FRMPD3: variants seen among roughly 807,000 people sequenced by gnomAD.
The protein encoded by FRMPD3 is FERM and PDZ domain containing 3.
A neutral mutation model predicts 97.9 loss-of-function variants in FRMPD3; 42 were observed. The ratio of observed to expected loss-of-function variants is 0.43; its 90% confidence interval spans 0.34 to 0.55. The LOEUF (loss-of-function observed/expected upper bound fraction) is 0.55. Among genes scored for constraint, FRMPD3 ranks in the 20% least tolerant of loss-of-function variants. The pLI is 0.03. For synonymous variants in FRMPD3, 577 were observed against 581.1 expected, an observed-to-expected ratio of 0.99 and a Z score of 0.10; for missense variants, 1,303 against 1,457.7, an observed-to-expected ratio of 0.89 and a Z score of 1.73.
chrX:107,576,546 G>A (rs1430738481), intron 13 of FRMPD3, 87 bp downstream of exon 13: 1 of 1,033,424 alleles, frequency 9.7e-7, no homozygotes, highest in African/African-American at 1.9e-5. Flanking sequence ...CTGCCTTAGT[G>A]CTCACCCCGT....
intron 1 of FRMPD3, among the ~76,000 whole-genome samples, chrX:107,486,605 C>G (rs997009767): frequency 7.1e-5 from 8 of 112,103 alleles, no homozygotes; most frequent in Non-Finnish European, 1.1e-4. Context: ...AGAGATTATT[C>G]TTTTGCCATT....
chrX:107,461,378 G>A (rs969107275), intron 1 of FRMPD3, among the ~76,000 whole-genome samples: 1 of 110,628 alleles, frequency 9.0e-6, no homozygotes. Context: ...GATAGCCCAA[G>A]GCCTGAGACT....
chrX:107,473,978 G>A (rs981420615), intron 1 of FRMPD3, among the ~76,000 whole-genome samples: 18 of 112,249 alleles, frequency 1.6e-4, no homozygotes, highest in Admixed American at 1.2e-3. Flanking sequence ...CCAGCTACTC[G>A]GGAGGCTGAG....
chrX:107,527,715 C>A (rs762200475), intron 2 of FRMPD3, among the ~76,000 whole-genome samples: 3 of 112,242 alleles, frequency 2.7e-5, no homozygotes, highest in African/African-American at 9.7e-5. Flanking sequence ...CTCGCTCAGT[C>A]AAGAGGAGCA....
At chrX:107,515,978 A>G (rs1408666004) in intron 1 of FRMPD3, among the ~76,000 whole-genome samples, 1 of 106,640 alleles carries the variant, frequency 9.4e-6, no homozygotes. Context: ...GCACCCATTA[A>G]CTCATCATTT....
chrX:107,534,333 ACCTGTCC>A (rs1332411840), intron 4 of FRMPD3, among the ~76,000 whole-genome samples: 1 of 110,834 alleles, frequency 9.0e-6, no homozygotes, highest in African/African-American at 3.3e-5. Context: ...CCTCCAGCCT[ACCTGTCC>A]CCTTATTAAT....
intron 8 of FRMPD3, among the ~76,000 whole-genome samples, chrX:107,559,058 C>T (rs1204853210): frequency 9.4e-6 from 1 of 106,136 alleles, no homozygotes; most frequent in Non-Finnish European, 1.9e-5. Context: ...ACCTCCACCT[C>T]CTGAGTTCAA....
chrX:107,591,157 CTTTCT>C (rs1285605443), intron 13 of FRMPD3, among the ~76,000 whole-genome samples: 1 of 108,333 alleles, frequency 9.2e-6, no homozygotes, highest in African/African-American at 3.4e-5. Context: ...TTCTTTCTTT[CTTTCT>C]TTTTTTTTTT....
intron 1 of FRMPD3, among the ~76,000 whole-genome samples, chrX:107,479,424 A>G (rs758368600): frequency 7.1e-5 from 8 of 112,502 alleles, no homozygotes; most frequent in African/African-American, 1.3e-4. Context: ...ATAGTATATG[A>G]AACAACTAAA....
chrX:107,600,170 T>A, intron 14 of FRMPD3, 133 bp from the exon 15 acceptor site: 2 of 804,959 alleles, frequency 2.5e-6, no homozygotes, highest in Non-Finnish European at 3.4e-6. Context: ...ATCAGGGACT[T>A]GAGCATCTGC....
chrX:107,492,795 T>C (rs1334502249), intron 1 of FRMPD3, among the ~76,000 whole-genome samples: 3 of 111,992 alleles, frequency 2.7e-5, no homozygotes, highest in Non-Finnish European at 3.8e-5. Flanking sequence ...ATCCCTCTTA[T>C]GAAGACTAGT....
At chrX:107,514,960 G>A (rs1169513317) in intron 1 of FRMPD3, among the ~76,000 whole-genome samples, 3 of 111,752 alleles carry the variant, frequency 2.7e-5, no homozygotes, top group Non-Finnish European at 5.6e-5. Context: ...AAGAGATGAT[G>A]GTGCCATATG....
In FRMPD3 at chrX:107,563,167, C is replaced by T; in HGVS notation, c.1083C>T (p.Thr361=). The T allele has an allele frequency of 8.3e-7, 1 of 1,209,844 alleles. No individual in the cohort carries two copies. The highest frequency in any genetic ancestry group is 1.1e-6 in the Non-Finnish European group (1 of 894,738). ...QYLRILNELP[T]FTGVLFNTVG... The stretch of plus-strand genomic sequence containing the variant: ...TACGAATTCTGAATGAACTTCCTAC[C>T]TTCACGGGCGTTTTGTTCAACACTG... Residue 361 remains threonine (T), a synonymous_variant, in exon 11 of 15, where the codon ACC becomes ACT. Coordinates refer to ENST00000683843, the MANE Select transcript of FRMPD3 (RefSeq NM_001388459.1).
At chrX:107,582,263 G>A (rs1402465759) in intron 13 of FRMPD3, among the ~76,000 whole-genome samples, 2 of 109,599 alleles carry the variant, frequency 1.8e-5, no homozygotes, top group African/African-American at 3.3e-5. Context: ...AGCTCACTGC[G>A]ACCTCTGCCT....
chrX:107,511,667 G>C (rs1602765778), intron 1 of FRMPD3, among the ~76,000 whole-genome samples: 1 of 112,903 alleles, frequency 8.9e-6, no homozygotes, highest in Admixed American at 9.3e-5. Flanking sequence ...AGCCCCCAGA[G>C]GGGTGCTATT....
At chrX:107,487,873 C>T (rs1296202400) in intron 1 of FRMPD3, among the ~76,000 whole-genome samples, 1 of 112,093 alleles carries the variant, frequency 8.9e-6, no homozygotes, top group African/African-American at 3.2e-5. Context: ...AACCATTCAC[C>T]CAAGGAAATG....
At chrX:107,506,954 C>G (rs998945358) in intron 1 of FRMPD3, among the ~76,000 whole-genome samples, 3 of 111,349 alleles carry the variant, frequency 2.7e-5, no homozygotes, top group South Asian at 7.7e-4. Flanking sequence ...AGGGAGGCAA[C>G]GAGAGGGTTC....
chrX:107,580,971 C>A (rs1923354585), intron 13 of FRMPD3, among the ~76,000 whole-genome samples: 1 of 111,534 alleles, frequency 9.0e-6, no homozygotes, highest in African/African-American at 3.3e-5. Flanking sequence ...TAACTAAATG[C>A]CAGAAACTTA....
rs1258850672 is a variant in FRMPD3, at chrX:107,522,453, G to A, written c.-7-4129G>A. ...TGTAGGGTTGGGGCAGCTTGCAATG[G>A]AGACTCTGGATAGCCAGAGGGTCCA... is the stretch of plus-strand genomic sequence containing the variant. On this transcript the variant is annotated intron_variant, in intron 1 of 14. Transcript: ENST00000683843. The A allele has an allele frequency of 7.2e-6, 4 of 557,407 alleles. 1 individual carries two copies. Among genetic ancestry groups the A allele is most frequent in the Middle Eastern group, 6.2e-4 (2 of 3,225 alleles). The allele number at this position is 557,407 out of a possible 1,213,427, so 45.9% of individuals were successfully genotyped here.
Sources: gnomAD v4.1 joint callset for allele counts (sites outside exome capture counted in the v4.1 genomes callset) on GRCh38, gnomAD v4.1.1 for gene constraint, MANE v1.5 for transcripts, NCBI Gene and HGNC (gene_info 2026-07-23, HGNC 2026-07-21) for gene names.